NCKAP5: variants seen among roughly 807,000 people sequenced by gnomAD.
The protein encoded by NCKAP5 is nck-associated protein 5.
Under a neutral mutation model 167.0 loss-of-function variants are expected in NCKAP5, and 92 were observed. The ratio of observed to expected loss-of-function variants is 0.55; its 90% CI spans 0.47 to 0.66. The LOEUF (loss-of-function observed/expected upper bound fraction) is 0.66, where lower values mean the gene tolerates loss of function less well. NCKAP5 is among the 30% of genes least tolerant of loss of function. The pLI is 0.00. For synonymous variants in NCKAP5, 891 were observed against 877.4 expected (o/e 1.02, Z -0.27); for missense variants, 2,378 against 2,315.0 (o/e 1.03, Z -0.56).
chr2:133,444,989 C>G (rs562590748), intron 3 of NCKAP5, among the ~76,000 whole-genome samples: 1 of 152,218 alleles, frequency 6.6e-6, no homozygotes, highest in Admixed American at 6.5e-5. Context: ...AAAAAATAAG[C>G]TTTTAGGTAA....
At chr2:133,399,571 T>C (rs1161644141) in intron 3 of NCKAP5, among the ~76,000 whole-genome samples, 2 of 152,164 alleles carry the variant, frequency 1.3e-5, no homozygotes, top group African/African-American at 4.8e-5. Context: ...AATTTTGTTT[T>C]CTTCTAATGT....
intron 4 of NCKAP5, among the ~76,000 whole-genome samples, chr2:133,277,836 T>C (rs1470444202): frequency 1.3e-5 from 2 of 152,130 alleles, no homozygotes; most frequent in African/African-American, 2.4e-5. Flanking sequence ...ATAGATCCAA[T>C]TATCTATGGA....
intron 8 of NCKAP5, among the ~76,000 whole-genome samples, chr2:132,943,618 G>T (rs1697462573): frequency 6.6e-6 from 1 of 152,136 alleles, no homozygotes; most frequent in Admixed American, 6.6e-5. Context: ...CGGTCATAAA[G>T]TTTTTCATTT....
chr2:132,852,837 T>C (rs1282550649), intron 11 of NCKAP5, among the ~76,000 whole-genome samples: 1 of 152,184 alleles, frequency 6.6e-6, no homozygotes, highest in African/African-American at 2.4e-5. Flanking sequence ...CACTTTTTCC[T>C]CTGAGGACCT....
chr2:133,513,911 T>C (rs1037071855), intron 3 of NCKAP5, among the ~76,000 whole-genome samples: 3 of 152,242 alleles, frequency 2.0e-5, no homozygotes, highest in Non-Finnish European at 2.9e-5. Context: ...TGCTCCAGCA[T>C]GCTCATCAGC....
chr2:133,650,024 T>A, the NCKAP5 span, among the ~76,000 whole-genome samples: 2 of 152,128 alleles, frequency 1.3e-5, no homozygotes, highest in Non-Finnish European at 2.9e-5. Context: ...AGTAAAGTTA[T>A]AAGATATAAA....
intron 11 of NCKAP5, among the ~76,000 whole-genome samples, chr2:132,853,432 T>C (rs1574424843): frequency 6.6e-6 from 1 of 152,176 alleles, no homozygotes; most frequent in East Asian, 1.9e-4. Flanking sequence ...AGCATGAGAG[T>C]TTTCATTGTT....
intron 19 of NCKAP5, among the ~76,000 whole-genome samples, chr2:132,675,241 G>A (rs902576890): frequency 6.6e-6 from 1 of 152,242 alleles, no homozygotes; most frequent in Non-Finnish European, 1.5e-5. Flanking sequence ...TTGAGGCCCT[G>A]AGGGCAGACA....
chr2:133,358,323 C>T (rs1035340099), intron 3 of NCKAP5, among the ~76,000 whole-genome samples: 1 of 152,124 alleles, frequency 6.6e-6, no homozygotes, highest in Non-Finnish European at 1.5e-5. Context: ...CACCCGTAAT[C>T]TCAGTGGGAG....
chr2:133,335,669 T>G (rs935331670), intron 3 of NCKAP5, among the ~76,000 whole-genome samples: 7 of 152,230 alleles, frequency 4.6e-5, no homozygotes, highest in African/African-American at 1.7e-4. Context: ...GCATATTCTA[T>G]GTTGCCATTA....
chr2:133,393,728 C>T (rs899224954), intron 3 of NCKAP5, among the ~76,000 whole-genome samples: 10 of 152,208 alleles, frequency 6.6e-5, no homozygotes, highest in South Asian at 4.1e-4. Context: ...CAACTATCTT[C>T]GCCCTTCCTG....
At chr2:133,028,669 C>T (rs540190470) in intron 6 of NCKAP5, among the ~76,000 whole-genome samples, 1 of 152,298 alleles carries the variant, frequency 6.6e-6, no homozygotes, top group South Asian at 2.1e-4. Context: ...AACAACAAAA[C>T]CTTTTTAATT....
chr2:132,851,631 G>A (rs2105484487), intron 11 of NCKAP5, among the ~76,000 whole-genome samples: 1 of 152,316 alleles, frequency 6.6e-6, no homozygotes, highest in Admixed American at 6.5e-5. Flanking sequence ...GACCCTGGAT[G>A]CGTCTATTTG....
At chr2:133,632,264 T>G in the NCKAP5 span, among the ~76,000 whole-genome samples, 1 of 152,228 alleles carries the variant, frequency 6.6e-6, no homozygotes, top group African/African-American at 2.4e-5. Flanking sequence ...ACTACATTTT[T>G]GGGGACTCAA....
At chr2:132,847,988 T>A (rs1268208613) in intron 11 of NCKAP5, among the ~76,000 whole-genome samples, 1 of 152,196 alleles carries the variant, frequency 6.6e-6, no homozygotes, top group Non-Finnish European at 1.5e-5. Context: ...ATATGTAGAA[T>A]GTGTTTAATG....
chr2:133,258,208 T>C (rs953536815), intron 4 of NCKAP5, among the ~76,000 whole-genome samples: 1 of 152,174 alleles, frequency 6.6e-6, no homozygotes, highest in African/African-American at 2.4e-5. Context: ...TGGAATACCC[T>C]TGGAGCACCT....
intron 6 of NCKAP5, among the ~76,000 whole-genome samples, chr2:133,008,935 C>A (rs530659382): frequency 6.6e-6 from 1 of 152,172 alleles, no homozygotes; most frequent in African/African-American, 2.4e-5. Context: ...GAGATTCCTT[C>A]TCTTCTCCCC....
At chr2:133,444,907 G>A in intron 3 of NCKAP5, among the ~76,000 whole-genome samples, 1 of 152,126 alleles carries the variant, frequency 6.6e-6, no homozygotes, top group East Asian at 1.9e-4. Flanking sequence ...TCGCCTCCAT[G>A]TGAAGAATTA....
At chr2:133,009,365 C>T (rs1382087226) in intron 6 of NCKAP5, among the ~76,000 whole-genome samples, 9 of 152,226 alleles carry the variant, frequency 5.9e-5, no homozygotes, top group Middle Eastern at 3.4e-3. Flanking sequence ...CTACCCACAT[C>T]GCACAGTTGG....
Sources: allele counts gnomAD v4.1 joint callset (sites outside exome capture counted in the v4.1 genomes callset), GRCh38; gene constraint gnomAD v4.1.1; transcripts MANE v1.5; gene names NCBI Gene and HGNC (gene_info 2026-07-23, HGNC 2026-07-21).